The following AMOTL1 variants were observed in gnomAD, a reference collection of about 807,000 sequenced individuals.
AMOTL1 encodes the protein angiomotin like 1, also known as angiomotin-like protein 1.
Under a neutral mutation model 102.9 loss-of-function variants are expected in AMOTL1, and 45 were observed. The observed-to-expected ratio is 0.44, with a 90% CI of 0.34 to 0.56. The LOEUF is 0.56. Ranked by LOEUF, AMOTL1 falls within the 20% of genes least tolerant of loss-of-function variation. AMOTL1 has a pLI of 0.01. For synonymous variants in AMOTL1, 481 were observed against 484.7 expected (o/e 0.99, Z 0.10); for missense variants, 1,114 against 1,225.6 (o/e 0.91, Z 1.36).
intron 1 of AMOTL1, among the ~76,000 whole-genome samples, chr11:94,782,080 C>T (rs74338617): frequency 0.09 from 13,703 of 151,968 alleles, 733 homozygotes; most frequent in East Asian, 0.17. Context: ...GAAGTGCTTC[C>T]GCTGCAAACT....
At chr11:94,823,719 CTTT>C (rs56265520) in intron 4 of AMOTL1, among the ~76,000 whole-genome samples, 9 of 141,696 alleles carry the variant, frequency 6.4e-5, no homozygotes, top group African/African-American at 2.1e-4. Flanking sequence ...TTAACATGTA[CTTT>C]TTTTTTTTTT....
chr11:94,862,926 G>C (rs1297790566), intron 9 of AMOTL1, among the ~76,000 whole-genome samples: 1 of 152,160 alleles, frequency 6.6e-6, no homozygotes, highest in African/African-American at 2.4e-5. Flanking sequence ...TCTCACATAT[G>C]CCCTCTGGTT....
At chr11:94,728,531 CTAACT>C (rs1265851868) in intron 1 of AMOTL1, among the ~76,000 whole-genome samples, 4 of 152,132 alleles carry the variant, frequency 2.6e-5, no homozygotes, top group Non-Finnish European at 5.9e-5. Context: ...AAAACTGCTT[CTAACT>C]TATTAGTTCA....
intron 3 of AMOTL1, among the ~76,000 whole-genome samples, chr11:94,818,671 T>C (rs1195635732): frequency 6.6e-6 from 1 of 152,230 alleles, no homozygotes; most frequent in Non-Finnish European, 1.5e-5. Flanking sequence ...TCTTGTCTAA[T>C]GTTTTTCAAT....
At chr11:94,744,428 G>T (rs1950565619) in intron 3 of AMOTL1, among the ~76,000 whole-genome samples, 2 of 152,130 alleles carry the variant, frequency 1.3e-5, no homozygotes, top group African/African-American at 4.8e-5. Context: ...GGTTCACTAA[G>T]TCAGAAACTC....
At chr11:94,793,501 T>C (rs979801241) in intron 1 of AMOTL1, among the ~76,000 whole-genome samples, 1 of 152,244 alleles carries the variant, frequency 6.6e-6, no homozygotes, top group African/African-American at 2.4e-5. Flanking sequence ...TAAAAGTTTC[T>C]TGGGTGATTT....
intron 3 of AMOTL1, among the ~76,000 whole-genome samples, chr11:94,803,243 C>T (rs1010399651): frequency 3.3e-5 from 5 of 152,244 alleles, no homozygotes; most frequent in Non-Finnish European, 5.9e-5. Flanking sequence ...TCACTCTTGA[C>T]TCACCATAGC....
At chr11:94,783,498 A>G (rs750968066) in intron 1 of AMOTL1, among the ~76,000 whole-genome samples, 1 of 152,216 alleles carries the variant, frequency 6.6e-6, no homozygotes, top group Admixed American at 6.5e-5. Flanking sequence ...ATATGTGTGT[A>G]CAACCTTCTA....
Position 94,768,370 on chromosome 11 carries a change from T to C in AMOTL1, c.-142T>C. The C allele has an allele frequency of 4.1e-6, 6 of 1,474,728 alleles. No homozygotes were observed. The highest frequency in any genetic ancestry group is 5.4e-6 in the Non-Finnish European group (6 of 1,113,156). The allele number at this position is 1,474,728 out of a possible 1,614,324, so 91.4% of individuals were successfully genotyped here. On this transcript the variant is annotated 5_prime_UTR_variant, in exon 1 of 13. Coordinates refer to ENST00000433060, the MANE Select transcript of AMOTL1 (RefSeq NM_130847.3). Reference sequence around the variant, plus strand: ...ACGGCGGCGGGAGCGCGCGAGAAGCTCTAGGACCCAGCAGCGGTTGTCGGG... The same window carrying C: ...ACGGCGGCGGGAGCGCGCGAGAAGCCCTAGGACCCAGCAGCGGTTGTCGGG...
At chr11:94,718,641 T>C (rs1036850165) in intron 1 of AMOTL1, among the ~76,000 whole-genome samples, 6 of 151,760 alleles carry the variant, frequency 4.0e-5, no homozygotes, top group Non-Finnish European at 8.8e-5. Flanking sequence ...GATATCAAGA[T>C]TGTTTTGACT....
rs928288724 is a variant in AMOTL1, at chr11:94,763,063, G to A, written c.136+22075G>A. Among the ~76,000 whole-genome samples, 5 of 152,324 alleles carry A rather than the reference G, an allele frequency of 3.3e-5. 1 individual carries two copies. Among genetic ancestry groups the A allele is most frequent in the Non-Finnish European group, 5.9e-5 (4 of 68,030 alleles). On this transcript the variant is annotated intron_variant, in intron 3 of 4. Coordinates refer to the AMOTL1 transcript ENST00000299004. ...GAGTCCTTGATAAGCTTCAAATGGA[G>A]CAGGGTGTTCAAATGATCTCTTCTG...
At chr11:94,738,034 A>G (rs544771799) in intron 2 of AMOTL1, among the ~76,000 whole-genome samples, 16 of 152,356 alleles carry the variant, frequency 1.1e-4, no homozygotes, top group Non-Finnish European at 2.2e-4. Context: ...AGGAGTGATC[A>G]AGGACAGAAG....
chr11:94,858,949 A>T (rs1037408723), intron 8 of AMOTL1, among the ~76,000 whole-genome samples: 3 of 152,190 alleles, frequency 2.0e-5, no homozygotes, highest in Admixed American at 2.0e-4. Context: ...CATATGCATT[A>T]TCTAGTTTGA....
chr11:94,770,967 T>C (rs551308683), intron 1 of AMOTL1, among the ~76,000 whole-genome samples: 3 of 152,170 alleles, frequency 2.0e-5, no homozygotes, highest in Admixed American at 6.5e-5. Flanking sequence ...GCTGAACTAA[T>C]TGAAATGAGC....
intron 3 of AMOTL1, among the ~76,000 whole-genome samples, chr11:94,804,122 G>C (rs1951527950): frequency 6.6e-6 from 1 of 152,018 alleles, no homozygotes; most frequent in Non-Finnish European, 1.5e-5. Context: ...GCTTCCTTAG[G>C]AATCATTATT....
At chr11:94,752,170 AC>A (rs1437707817) in intron 3 of AMOTL1, among the ~76,000 whole-genome samples, 1 of 151,682 alleles carries the variant, frequency 6.6e-6, no homozygotes, top group East Asian at 1.9e-4. Flanking sequence ...TCTCCTGCTC[AC>A]CCCCTCTCCT....
intron 3 of AMOTL1, among the ~76,000 whole-genome samples, chr11:94,745,954 A>T (rs1213872390): frequency 6.6e-6 from 1 of 152,198 alleles, no homozygotes; most frequent in Non-Finnish European, 1.5e-5. Flanking sequence ...CCCTGGAGCC[A>T]CATGTGGAAT....
At chr11:94,865,254 TAAAG>T (rs998728117) in intron 10 of AMOTL1, among the ~76,000 whole-genome samples, 14 of 152,284 alleles carry the variant, frequency 9.2e-5, no homozygotes, top group Admixed American at 4.6e-4. Context: ...CAGTCCAAAA[TAAAG>T]AACATATTTA....
chr11:94,759,831 A>G (rs1370619003), intron 3 of AMOTL1, among the ~76,000 whole-genome samples: 1 of 152,260 alleles, frequency 6.6e-6, no homozygotes, highest in Non-Finnish European at 1.5e-5. Context: ...TTCTTCTTGT[A>G]CAATATCATG....
Sources: gnomAD v4.1 joint callset for allele counts (sites outside exome capture counted in the v4.1 genomes callset) on GRCh38, gnomAD v4.1.1 for gene constraint, MANE v1.5 for transcripts, NCBI Gene and HGNC (gene_info 2026-07-23, HGNC 2026-07-21) for gene names.